Variants in SGCZ observed in about 807,000 individuals in gnomAD.
SGCZ encodes sarcoglycan zeta.
Under a neutral mutation model 41.3 loss-of-function variants are expected in SGCZ, and 40 were observed. The observed-to-expected ratio is 0.97, with a 90% CI of 0.75 to 1.26. SGCZ has a LOEUF of 1.26. Ranked by LOEUF, SGCZ falls within the 50% of genes most tolerant of loss-of-function variation. SGCZ has a pLI of 0.00. For missense variants in SGCZ, 552 were observed against 369.8 expected (o/e 1.49, Z -4.04); for synonymous variants, 206 against 137.5 (o/e 1.50, Z -3.49).
chr8:14,530,716 T>A (rs1803101649), intron 2 of SGCZ, among the ~76,000 whole-genome samples: 1 of 152,104 alleles, frequency 6.6e-6, no homozygotes, highest in Admixed American at 6.6e-5. Flanking sequence ...GGCACAGTAG[T>A]GCTTGCTTAT....
chr8:14,340,325 C>G (rs1236071684), intron 2 of SGCZ, among the ~76,000 whole-genome samples: 1 of 152,124 alleles, frequency 6.6e-6, no homozygotes, highest in Non-Finnish European at 1.5e-5. Flanking sequence ...AAACCATACT[C>G]TGGTTAGTTA....
intron 1 of SGCZ, among the ~76,000 whole-genome samples, chr8:15,017,297 G>A (rs1019954653): frequency 2.6e-5 from 4 of 152,060 alleles, no homozygotes; most frequent in African/African-American, 9.7e-5. Context: ...CAGTTTCCCA[G>A]GCAAATAGTC....
chr8:14,170,674 A>C (rs932545407), intron 4 of SGCZ, among the ~76,000 whole-genome samples: 7 of 152,172 alleles, frequency 4.6e-5, no homozygotes, highest in Non-Finnish European at 8.8e-5. Context: ...ATTGTATACA[A>C]ACATAAAATG....
chr8:15,078,303 A>T (rs1805618085), intron 1 of SGCZ, among the ~76,000 whole-genome samples: 1 of 151,660 alleles, frequency 6.6e-6, no homozygotes, highest in Admixed American at 6.6e-5. Flanking sequence ...TTCCCCTGGT[A>T]TGATCTGCCT....
rs188680034 is a variant in SGCZ at position 14,814,029 on chromosome 8, G to C, written c.40-259103C>G. ...AAAAGATAACTAAATCATGTCTATGGAGGCCCTAGCACAGTATGCAGCACT... is the reference window on the plus strand; with the variant it reads ...AAAAGATAACTAAATCATGTCTATGCAGGCCCTAGCACAGTATGCAGCACT... On this transcript the variant is annotated intron_variant, in intron 1 of 7. Coordinates refer to ENST00000382080, the MANE Select transcript of SGCZ (RefSeq NM_139167.4). 2.2e-3 allele frequency among the ~76,000 whole-genome samples: 328 copies of C among 152,168 alleles called. 9 individuals are homozygous for C. The highest frequency in any genetic ancestry group is 0.018 in the South Asian group (87 of 4,822).
At chr8:14,092,234 T>A (rs1204595968) in intron 7 of SGCZ, among the ~76,000 whole-genome samples, 2 of 152,082 alleles carry the variant, frequency 1.3e-5, no homozygotes, top group Non-Finnish European at 2.9e-5. Context: ...TGTATTATAG[T>A]TTGAAATCAG....
Position 14,713,561 on chromosome 8 carries a change from A to G in SGCZ, c.40-158635T>C, listed in dbSNP as rs544418997. On this transcript the variant is annotated intron_variant, in intron 1 of 7. Transcript: ENST00000382080. ...CAAATGAGGGTTGAACTAATCTGCT[A>G]GGTTAGATTTTTGTTGTTGTGATTA... 1.9e-3 allele frequency among the ~76,000 whole-genome samples: 295 copies of G among 152,272 alleles called. 2 individuals are homozygous for G. Among genetic ancestry groups the G allele is most frequent in the African/African-American group, 6.7e-3 (280 of 41,564 alleles).
intron 1 of SGCZ, among the ~76,000 whole-genome samples, chr8:15,146,425 G>C (rs1185248486): frequency 6.6e-5 from 10 of 152,110 alleles, no homozygotes; most frequent in African/African-American, 2.4e-4. Flanking sequence ...GAGTGCAGTG[G>C]CTAACAGGAA....
intron 2 of SGCZ, among the ~76,000 whole-genome samples, chr8:14,459,376 C>A (rs191689337): frequency 2.5e-3 from 383 of 151,732 alleles, no homozygotes; most frequent in African/African-American, 7.8e-3. Flanking sequence ...ATGTAACAAA[C>A]CTGCACATTG....
At chr8:14,828,587 C>G (rs1453466000) in intron 1 of SGCZ, among the ~76,000 whole-genome samples, 2 of 152,152 alleles carry the variant, frequency 1.3e-5, no homozygotes, top group African/African-American at 4.8e-5. Flanking sequence ...CAGTACAGTT[C>G]TGAAGACAAA....
At chr8:14,339,580 G>C (rs1802630392) in intron 2 of SGCZ, among the ~76,000 whole-genome samples, 1 of 152,062 alleles carries the variant, frequency 6.6e-6, no homozygotes, top group South Asian at 2.1e-4. Context: ...TTTGATAATA[G>C]GCTTGCATGG....
At chr8:14,965,482 T>C (rs1801102196) in intron 1 of SGCZ, among the ~76,000 whole-genome samples, 1 of 152,120 alleles carries the variant, frequency 6.6e-6, no homozygotes, top group African/African-American at 2.4e-5. Context: ...TACTTTAAAA[T>C]GTAGAATTTT....
chr8:14,245,583 A>G (rs749515782), intron 3 of SGCZ, among the ~76,000 whole-genome samples: 1 of 152,228 alleles, frequency 6.6e-6, no homozygotes, highest in Non-Finnish European at 1.5e-5. Flanking sequence ...ACAAAAGCCA[A>G]AATTGACAAA....
rs1409808579 is a variant in SGCZ, at chr8:14,477,564, A to T, written c.234+77168T>A. ...TAACACTATTTTATTCTCCTTCAGT[A>T]GTTTATCATCTACTAAATCTGTCTA... On this transcript the variant is annotated intron_variant, in intron 2 of 7. Transcript: ENST00000382080. Among the ~76,000 whole-genome samples, 3 of 152,300 alleles carry T rather than the reference A, an allele frequency of 2.0e-5. No individual in the cohort carries two copies. In the East Asian group the frequency reaches 5.8e-4, roughly 29 times the overall value.
At chr8:14,541,909 G>T (rs565169329) in intron 2 of SGCZ, among the ~76,000 whole-genome samples, 1 of 151,960 alleles carries the variant, frequency 6.6e-6, no homozygotes, top group South Asian at 2.1e-4. Context: ...CCATATGTTT[G>T]TTGGCCACAA....
At chr8:14,541,415 T>C (rs1378168669) in intron 2 of SGCZ, among the ~76,000 whole-genome samples, 1 of 152,050 alleles carries the variant, frequency 6.6e-6, no homozygotes, top group Non-Finnish European at 1.5e-5. Context: ...GTTCCTGTGT[T>C]AGTTTGCTGA....
At chr8:14,394,143 CT>C (rs75054512) in intron 2 of SGCZ, among the ~76,000 whole-genome samples, 244 of 117,386 alleles carry the variant, frequency 2.1e-3, no homozygotes, top group African/African-American at 3.0e-3. Flanking sequence ...CGCCCCCCAC[CT>C]TTTTTTTTTT....
intron 1 of SGCZ, among the ~76,000 whole-genome samples, chr8:15,145,863 G>T (rs1799021663): frequency 6.6e-6 from 1 of 152,122 alleles, no homozygotes; most frequent in Non-Finnish European, 1.5e-5. Flanking sequence ...TATCAAGGAG[G>T]TTAAACACAT....
chr8:14,770,380 T>G (rs1320927795), intron 1 of SGCZ, among the ~76,000 whole-genome samples: 1 of 151,624 alleles, frequency 6.6e-6, no homozygotes, highest in African/African-American at 2.4e-5. Flanking sequence ...GAATAAATAG[T>G]TTTAAAATGT....
Sources: allele counts gnomAD v4.1 joint callset (sites outside exome capture counted in the v4.1 genomes callset), GRCh38; gene constraint gnomAD v4.1.1; transcripts MANE v1.5; gene names NCBI Gene and HGNC (gene_info 2026-07-23, HGNC 2026-07-21).